The following SLCO1A2 variants were observed in gnomAD, a reference collection of about 807,000 sequenced individuals.
The protein encoded by SLCO1A2 is OATP-1.
SLCO1A2 carries 67 observed loss-of-function variants against 69.0 expected under a neutral mutation model. The observed-to-expected ratio is 0.97, with a 90% CI of 0.80 to 1.19. The LOEUF is 1.19. SLCO1A2 is among the 50% of genes most tolerant of loss of function. SLCO1A2 has a pLI of 0.00. For missense variants in SLCO1A2, 787 were observed against 793.7 expected, an observed-to-expected ratio of 0.99 and a Z score of 0.10; for synonymous variants, 260 against 265.9, an observed-to-expected ratio of 0.98 and a Z score of 0.22.
chr12:21,296,949 A>G (rs187637808), intron 9 of SLCO1A2, among the ~76,000 whole-genome samples: 1 of 152,322 alleles, frequency 6.6e-6, no homozygotes, highest in African/African-American at 2.4e-5. Flanking sequence ...TTGCAGGAAA[A>G]GCCGAATGTG....
chr12:21,374,424 T>G (rs1940036133), exon 2 of SLCO1A2: 1 of 152,158 alleles, frequency 6.6e-6, no homozygotes, highest in African/African-American at 2.4e-5. Flanking sequence ...GCATGTCATA[T>G]TATAATTCTT....
chr12:21,412,260 A>G (rs1941919144), intron 1 of SLCO1A2, among the ~76,000 whole-genome samples: 1 of 152,058 alleles, frequency 6.6e-6, no homozygotes, highest in Admixed American at 6.6e-5. Flanking sequence ...GGGCGCCTGT[A>G]GTCCCTGCTA....
At chr12:21,418,369 G>C (rs1320773198), upstream of SLCO1A2, among the ~76,000 whole-genome samples, 1 of 152,166 alleles carries the variant, frequency 6.6e-6, no homozygotes, top group Non-Finnish European at 1.5e-5. Flanking sequence ...GCAGGTGTTA[G>C]AAACCTCAGG....
chr12:21,275,242 T>G, intron 13 of SLCO1A2, 118 bp downstream of exon 13: 1 of 940,934 alleles, frequency 1.1e-6, no homozygotes, highest in Middle Eastern at 3.9e-4. Context: ...ATGGCACATG[T>G]ATACATATGT....
chr12:21,279,341 GA>G (rs1944406885), intron 12 of SLCO1A2, among the ~76,000 whole-genome samples: 1 of 152,144 alleles, frequency 6.6e-6, no homozygotes, highest in Non-Finnish European at 1.5e-5. Flanking sequence ...GAAAGGTATT[GA>G]TTCCAAGTGC....
chr12:21,397,773 A>C (rs1392684489), upstream of SLCO1A2, among the ~76,000 whole-genome samples: 6 of 133,402 alleles, frequency 4.5e-5, no homozygotes, highest in African/African-American at 1.7e-4. Context: ...CTGAATGACT[A>C]CTGGGTACAT....
upstream of SLCO1A2, among the ~76,000 whole-genome samples, chr12:21,395,940 A>T (rs1941436785): frequency 6.6e-6 from 1 of 150,704 alleles, no homozygotes; most frequent in African/African-American, 2.4e-5. Context: ...GAACAGAAAA[A>T]CTGGAAACTC....
At chr12:21,297,795 T>A (rs189983655) in intron 8 of SLCO1A2, among the ~76,000 whole-genome samples, 161 of 152,312 alleles carry the variant, frequency 1.1e-3, no homozygotes, top group Non-Finnish European at 1.6e-3. Context: ...AACACAACAG[T>A]TTTGCCCTCA....
At chr12:21,279,438 A>G (rs1446237252) in intron 12 of SLCO1A2, among the ~76,000 whole-genome samples, 2 of 152,214 alleles carry the variant, frequency 1.3e-5, no homozygotes, top group Non-Finnish European at 2.9e-5. Context: ...GTATAAATAA[A>G]CAATTCTAAA....
chr12:21,269,854 AT>A lies in SLCO1A2; in HGVS notation c.1794-88del. 4.9e-6 allele frequency: 5 copies of A among 1,013,366 alleles called. No individual in the cohort carries two copies. The South Asian group carries it at 1.3e-4, about 27-fold the overall frequency. The allele number at this position is 1,013,366 out of a possible 1,614,324, so 62.8% of individuals were successfully genotyped here. ...TTGTATATCTTTGTATTTTATTCTG[AT>A]AAAAACAGCAGCTGATGGTTTTGCA... is the stretch of plus-strand genomic sequence containing the variant. On this transcript the variant is annotated intron_variant, in intron 14 of 14. Transcript: ENST00000683939.
chr12:21,388,810 AG>A (rs1254868010), intron 1 of SLCO1A2, among the ~76,000 whole-genome samples: 1 of 152,232 alleles, frequency 6.6e-6, no homozygotes, highest in East Asian at 1.9e-4. Context: ...AAAAAAAATA[AG>A]AAAATATGTA....
At chr12:21,273,879 T>A (rs1330460807) in intron 14 of SLCO1A2, 1 of 151,722 alleles carries the variant, frequency 6.6e-6, no homozygotes, top group Non-Finnish European at 1.5e-5. Flanking sequence ...TATTGCCCCA[T>A]CAAGAGAAGT....
At chr12:21,334,253 T>A (rs187133273) in intron 2 of SLCO1A2, among the ~76,000 whole-genome samples, 15 of 152,190 alleles carry the variant, frequency 9.9e-5, no homozygotes, top group African/African-American at 3.6e-4. Flanking sequence ...GACTCCCACA[T>A]TTCTCTGGGT....
chr12:21,414,327 A>G (rs918791806), intron 1 of SLCO1A2, among the ~76,000 whole-genome samples: 1 of 150,868 alleles, frequency 6.6e-6, no homozygotes, highest in Non-Finnish European at 1.5e-5. Context: ...TCTTAAAGTT[A>G]TAAGTTTCTC....
chr12:21,392,212 C>G (rs1012457353), intron 1 of SLCO1A2, among the ~76,000 whole-genome samples: 1 of 152,146 alleles, frequency 6.6e-6, no homozygotes, highest in African/African-American at 2.4e-5. Flanking sequence ...TTTAGATATT[C>G]AACATACACT....
At chr12:21,380,279 G>C (rs1036630901) in intron 1 of SLCO1A2, among the ~76,000 whole-genome samples, 70 of 152,054 alleles carry the variant, frequency 4.6e-4, no homozygotes, top group African/African-American at 1.6e-3. Flanking sequence ...TCTTTCTAGT[G>C]TTAACAAAAT....
intron 9 of SLCO1A2, 45 bp downstream of exon 9, chr12:21,297,359 G>C (rs372191615): frequency 3.6e-4 from 543 of 1,527,664 alleles, no homozygotes; most frequent in Non-Finnish European, 4.6e-4. Context: ...CACACTGTTC[G>C]TGGGGGGGAA....
At position 21,269,768 on chromosome 12, in the gene SLCO1A2, C is replaced by T. The variant is rs367973756; in HGVS notation, c.1794-1G>A. 2.5e-6 allele frequency: 4 copies of T among 1,602,494 alleles called. No homozygotes were observed. Among genetic ancestry groups the T allele is most frequent in the Non-Finnish European group, 3.4e-6 (4 of 1,174,422 alleles). ...TGCCGGCAATCCGAGGTAGATGTAT[C>T]TATTTTTTTAAAAGTTAAAACATAT... On this transcript the variant is annotated splice_acceptor_variant, in intron 14 of 14. Coordinates refer to ENST00000683939, the MANE Select transcript of SLCO1A2 (RefSeq NM_001386879.1). LOFTEE classifies it high-confidence loss of function.
chr12:21,326,059 G>C (rs1952199230), intron 2 of SLCO1A2, among the ~76,000 whole-genome samples: 1 of 152,138 alleles, frequency 6.6e-6, no homozygotes, highest in South Asian at 2.1e-4. Flanking sequence ...GATCATAGGG[G>C]TGGGTTTTCC....
Sources: gnomAD v4.1 joint callset for allele counts (sites outside exome capture counted in the v4.1 genomes callset) on GRCh38, gnomAD v4.1.1 for gene constraint, MANE v1.5 for transcripts, NCBI Gene and HGNC (gene_info 2026-07-23, HGNC 2026-07-21) for gene names.